DLG2: variants seen among roughly 807,000 people sequenced by gnomAD.
DLG2 encodes the protein disks large homolog 2.
A neutral mutation model predicts 132.5 loss-of-function variants in DLG2; 45 were observed. The observed-to-expected ratio is 0.34, with a 90% confidence interval of 0.27 to 0.44. The LOEUF is 0.44. DLG2 is among the 20% of genes least tolerant of loss of function. The probability of loss-of-function intolerance (pLI) is 1.00; values close to 1 mark genes in which losing one functional copy is unlikely to be tolerated. For missense variants in DLG2, 1,045 were observed against 1,196.9 expected, an observed-to-expected ratio of 0.87 and a Z score of 1.87; for synonymous variants, 424 against 419.6, an observed-to-expected ratio of 1.01 and a Z score of -0.13.
chr11:83,747,571 T>C (rs973542556), intron 18 of DLG2, among the ~76,000 whole-genome samples: 5 of 152,136 alleles, frequency 3.3e-5, no homozygotes, highest in Non-Finnish European at 7.4e-5. Context: ...GGTTTCGCCA[T>C]GTTGCTGGGC....
intron 18 of DLG2, among the ~76,000 whole-genome samples, chr11:83,747,216 A>G (rs1428726136): frequency 1.3e-5 from 2 of 152,184 alleles, no homozygotes; most frequent in African/African-American, 4.8e-5. Context: ...TTTTGGTAGA[A>G]TAACATAAGC....
At chr11:85,502,507 G>C (rs923462243) in intron 3 of DLG2, among the ~76,000 whole-genome samples, 1 of 152,072 alleles carries the variant, frequency 6.6e-6, no homozygotes, top group African/African-American at 2.4e-5. Context: ...GCAGGGACAT[G>C]GATGAAGGTG....
At chr11:83,992,017 G>A (rs916156168) in intron 11 of DLG2, among the ~76,000 whole-genome samples, 3 of 152,250 alleles carry the variant, frequency 2.0e-5, no homozygotes, top group East Asian at 1.9e-4. Context: ...GTGACACAGC[G>A]ATTAGAATGA....
chr11:85,166,665 CTT>C (rs2078475290), intron 4 of DLG2, among the ~76,000 whole-genome samples: 1 of 152,070 alleles, frequency 6.6e-6, no homozygotes, highest in Admixed American at 6.6e-5. Flanking sequence ...GAAAAATAAA[CTT>C]GTCATTGCTT....
intron 3 of DLG2, among the ~76,000 whole-genome samples, chr11:85,323,691 A>T (rs2081241323): frequency 1.3e-5 from 2 of 152,222 alleles, no homozygotes; most frequent in Admixed American, 6.5e-5. Flanking sequence ...TAAGCATCAT[A>T]CTACTCTCTA....
At chr11:83,689,097 T>C (rs1052486261) in intron 18 of DLG2, among the ~76,000 whole-genome samples, 1 of 152,166 alleles carries the variant, frequency 6.6e-6, no homozygotes, top group East Asian at 1.9e-4. Context: ...CACAGCTGCA[T>C]AGCATATTTT....
intron 3 of DLG2, among the ~76,000 whole-genome samples, chr11:85,294,444 T>C (rs2079099410): frequency 6.6e-6 from 1 of 151,976 alleles, no homozygotes; most frequent in African/African-American, 2.4e-5. Flanking sequence ...CATTAGGGCA[T>C]ATGTGAGGTA....
At chr11:84,927,121 C>T (rs2374576) in intron 6 of DLG2, among the ~76,000 whole-genome samples, 91,407 of 151,792 alleles carry the variant, frequency 0.6, 29,119 homozygotes, top group East Asian at 0.92. Flanking sequence ...CTTTAAAAAA[C>T]ATAACCTGGA....
chr11:84,099,750 T>C (rs1350989441), intron 9 of DLG2, among the ~76,000 whole-genome samples: 4 of 147,250 alleles, frequency 2.7e-5, no homozygotes, highest in African/African-American at 9.9e-5. Context: ...TATATATATA[T>C]ACATATATAC....
chr11:85,601,314 T>C (rs963027774), intron 2 of DLG2, among the ~76,000 whole-genome samples: 6 of 152,066 alleles, frequency 3.9e-5, no homozygotes, highest in African/African-American at 1.4e-4. Flanking sequence ...GGTCCATAGT[T>C]TATGCATAAT....
chr11:84,649,848 A>G (rs1037784463), intron 6 of DLG2, among the ~76,000 whole-genome samples: 1 of 152,146 alleles, frequency 6.6e-6, no homozygotes, highest in African/African-American at 2.4e-5. Context: ...AGCCACACTA[A>G]TTCTACCCTT....
At chr11:84,051,932 C>T (rs898565246) in intron 11 of DLG2, among the ~76,000 whole-genome samples, 2 of 151,616 alleles carry the variant, frequency 1.3e-5, no homozygotes, top group African/African-American at 4.8e-5. Flanking sequence ...AAAGGACGTC[C>T]AAGGCCTTTT....
intron 6 of DLG2, among the ~76,000 whole-genome samples, chr11:84,869,157 C>A (rs1352198936): frequency 6.6e-6 from 1 of 152,194 alleles, no homozygotes; most frequent in African/African-American, 2.4e-5. Context: ...GTCCACAATG[C>A]ACATCATACG....
intron 7 of DLG2, among the ~76,000 whole-genome samples, chr11:84,371,532 G>A (rs1282476747): frequency 6.6e-6 from 1 of 152,040 alleles, no homozygotes; most frequent in East Asian, 1.9e-4. Flanking sequence ...ACAGCTGTGA[G>A]CCACCACGCC....
At chr11:85,001,772 C>G (rs562226712) in intron 6 of DLG2, among the ~76,000 whole-genome samples, 1 of 152,054 alleles carries the variant, frequency 6.6e-6, no homozygotes, top group African/African-American at 2.4e-5. Context: ...TGGGTGATAA[C>G]GATGTGTCAA....
At chr11:85,559,861 G>GATAGAT (rs1565685540) in intron 3 of DLG2, among the ~76,000 whole-genome samples, 3 of 130,094 alleles carry the variant, frequency 2.3e-5, no homozygotes, top group African/African-American at 8.6e-5. Flanking sequence ...GATAGATAGA[G>GATAGAT]ATAAATATCC....
chr11:84,259,290 G>T (rs1393556557), intron 7 of DLG2, among the ~76,000 whole-genome samples: 2 of 79,780 alleles, frequency 2.5e-5, no homozygotes, highest in Admixed American at 1.5e-4. Context: ...AGGTTCTTAG[G>T]TTATTATACT....
At chr11:84,617,467 T>C (rs1260723472) in intron 6 of DLG2, among the ~76,000 whole-genome samples, 1 of 152,142 alleles carries the variant, frequency 6.6e-6, no homozygotes, top group African/African-American at 2.4e-5. Context: ...GTCTTTATAG[T>C]AGATTGATTT....
intron 8 of DLG2, among the ~76,000 whole-genome samples, chr11:84,213,851 A>T (rs2096792803): frequency 6.7e-6 from 1 of 148,890 alleles, no homozygotes; most frequent in Admixed American, 6.7e-5. Context: ...AAAAAAAAGG[A>T]TGTAAGATCC....
Sources: gnomAD v4.1 joint callset for allele counts (sites outside exome capture counted in the v4.1 genomes callset) on GRCh38, gnomAD v4.1.1 for gene constraint, MANE v1.5 for transcripts, NCBI Gene and HGNC (gene_info 2026-07-23, HGNC 2026-07-21) for gene names.